TMPRSS13: variants seen among roughly 807,000 people sequenced by gnomAD.
TMPRSS13 encodes the protein transmembrane protease serine 13.
A neutral mutation model predicts 68.4 loss-of-function variants in TMPRSS13; 50 were observed. That is an observed-to-expected ratio of 0.73 (90% CI 0.58 to 0.93). TMPRSS13 has a LOEUF of 0.93. Among genes scored for constraint, TMPRSS13 ranks in the 40% least tolerant of loss-of-function variants. The probability of loss-of-function intolerance (pLI) is 0.00; values close to 1 mark genes in which losing one functional copy is unlikely to be tolerated. For synonymous variants in TMPRSS13, 267 were observed against 285.8 expected (o/e 0.93, Z 0.66); for missense variants, 615 against 729.2 (o/e 0.84, Z 1.80).
rs1213138440 is a variant in TMPRSS13 at position 117,914,147 on chromosome 11, CTG to C, written c.679+243_680-242del. Among the ~76,000 whole-genome samples the C allele has an allele frequency of 1.3e-5, 2 of 152,274 alleles. No individual in the cohort carries two copies. The highest frequency in any genetic ancestry group is 3.9e-4 in the East Asian group (2 of 5,180). ...CTAGAGTGCTACAGACTGATGCAAA[CTG>C]TGTATCAGCTCAAATGGGAGGCAAT... On this transcript the variant is annotated intron_variant, in intron 4 of 12. Transcript: ENST00000524993. This position sits in a 1 kb window ranked among gnomAD's most constrained non-coding sequence, Gnocchi z 4.2.
At chr11:117,928,345 G>A (rs1205687921) in intron 1 of TMPRSS13, among the ~76,000 whole-genome samples, 1 of 152,104 alleles carries the variant, frequency 6.6e-6, no homozygotes, top group Non-Finnish European at 1.5e-5. Flanking sequence ...AAGAATGGTG[G>A]GAAAAAAATG....
At chr11:117,912,407 C>T (rs928988836) in intron 5 of TMPRSS13, among the ~76,000 whole-genome samples, 1 of 152,256 alleles carries the variant, frequency 6.6e-6, no homozygotes, top group Non-Finnish European at 1.5e-5. Flanking sequence ...GGCAAGCCCA[C>T]TGGATCTTAG....
chr11:117,901,436 C>T lies in TMPRSS13; in HGVS notation c.*803G>A, dbSNP rs997275176. On this transcript the variant is annotated 3_prime_UTR_variant, in exon 13 of 13. Transcript: ENST00000524993. The stretch of plus-strand genomic sequence containing the variant: ...GTCTCTTCATCCAGTTCCTTGAGGC[C>T]AGAAATATTCTGTAGGACTCTAAAA... 6.6e-6 allele frequency: 1 copy of T among 152,564 alleles called. No individual in the cohort carries two copies. Among genetic ancestry groups the T allele is most frequent in the Non-Finnish European group, 1.5e-5 (1 of 68,032 alleles). 9.5% of individuals were successfully genotyped at this position (152,564 alleles called of 1,614,324 possible). A position where few individuals can be genotyped will look rare whatever the true frequency, so the allele number is the denominator to read the frequency against.
rs1317333493 is a variant in TMPRSS13 at position 117,914,224 on chromosome 11, CACAT to C, written c.679+164_679+167del. Among the ~76,000 whole-genome samples the C allele has an allele frequency of 6.6e-6, 1 of 152,126 alleles. No homozygotes were observed. The highest frequency in any genetic ancestry group is 1.5e-5 in the Non-Finnish European group (1 of 67,998). On this transcript the variant is annotated intron_variant, in intron 4 of 12. Coordinates refer to ENST00000524993, the MANE Select transcript of TMPRSS13 (RefSeq NM_001077263.3). The surrounding 1 kb of genome is among the most constrained non-coding windows in gnomAD (Gnocchi z 4.2). ...TTACATACATGCACACATGCACACA[CACAT>C]ACGTGCACACACACATACATGCATA...
chr11:117,911,833 G>A lies in TMPRSS13; in HGVS notation c.837C>T (p.His279=). The change falls in exon 6 of 13, where the codon CAC becomes CAT. Residue 279 remains histidine (H), a synonymous_variant. Transcript: ENST00000524993. ...TTGAGAAGCTGTTGGCAAAATCCCT[G>A]TGGGCAACCTCGGTTGTCCGGTGAG... ...ESAHRTTEVA[H]RDFANSFSIL... The A allele has an allele frequency of 2.5e-6, 4 of 1,614,090 alleles. No individual in the cohort carries two copies. Among genetic ancestry groups the A allele is most frequent in the Non-Finnish European group, 3.4e-6 (4 of 1,180,002 alleles).
rs1483585494 is a variant in TMPRSS13, at chr11:117,915,718, T to G, written c.557-1204A>C. ...TCTAGAGGCCTCCCTGGCAGAGCTT[T>G]TGGGAACTTCAGGAAATGCTGTGAA... On this transcript the variant is annotated intron_variant, in intron 3 of 12. Transcript: ENST00000524993. The surrounding 1 kb of genome is among the most constrained non-coding windows in gnomAD (Gnocchi z 4.9). 6.6e-6 allele frequency among the ~76,000 whole-genome samples: 1 copy of G among 152,176 alleles called. No individual in the cohort carries two copies. The highest frequency in any genetic ancestry group is 2.4e-5 in the African/African-American group (1 of 41,444).
chr11:117,905,620 A>G lies in TMPRSS13; in HGVS notation c.1381+18T>C, dbSNP rs766698908. 14 of 1,577,458 alleles carry G rather than the reference A, an allele frequency of 8.9e-6. No individual in the cohort carries two copies. The highest frequency in any genetic ancestry group is 1.2e-5 in the Non-Finnish European group (14 of 1,156,766). ...GCACATGAATACATACACACAACCAAGCATCTTTGCCTCTTACCATCTGTC... is the reference window on the plus strand; with the variant it reads ...GCACATGAATACATACACACAACCAGGCATCTTTGCCTCTTACCATCTGTC... On this transcript the variant is annotated intron_variant, in intron 10 of 12. Transcript: ENST00000524993.
At chr11:117,910,191 G>A (rs1422211262) in intron 7 of TMPRSS13, among the ~76,000 whole-genome samples, 1 of 152,122 alleles carries the variant, frequency 6.6e-6, no homozygotes, top group Non-Finnish European at 1.5e-5. Flanking sequence ...GGCTTTCTGG[G>A]ATCATTCCGC....
intron 9 of TMPRSS13, among the ~76,000 whole-genome samples, chr11:117,907,148 T>A (rs1664914818): frequency 6.6e-6 from 1 of 152,172 alleles, no homozygotes; most frequent in Admixed American, 6.5e-5. Flanking sequence ...AAGATTTGGA[T>A]GTTTAGCCAA....
At chr11:117,910,939 C>T (rs912446730) in intron 6 of TMPRSS13, among the ~76,000 whole-genome samples, 189 bp from the exon 7 acceptor site, 1 of 152,188 alleles carries the variant, frequency 6.6e-6, no homozygotes, top group Admixed American at 6.5e-5. Context: ...TGTCCAGAAT[C>T]GGAGTGGCTC....
At chr11:117,925,364 C>T (rs1355935490) in intron 1 of TMPRSS13, among the ~76,000 whole-genome samples, 2 of 152,208 alleles carry the variant, frequency 1.3e-5, no homozygotes, top group Non-Finnish European at 2.9e-5. Context: ...CCCTGTTAGA[C>T]CAGAATCAAG....
chr11:117,926,892 C>A (rs1438616618), intron 1 of TMPRSS13, among the ~76,000 whole-genome samples: 1 of 152,194 alleles, frequency 6.6e-6, no homozygotes, highest in Non-Finnish European at 1.5e-5. Context: ...CTCTATCTCT[C>A]TATGCCAGAT....
At chr11:117,913,620 T>C (rs1452667590) in intron 5 of TMPRSS13, among the ~76,000 whole-genome samples, 157 bp downstream of exon 5, 2 of 152,192 alleles carry the variant, frequency 1.3e-5, no homozygotes, top group Non-Finnish European at 2.9e-5. Flanking sequence ...TCAGGGCCTC[T>C]GACTCTGAAC....
intron 3 of TMPRSS13, among the ~76,000 whole-genome samples, chr11:117,916,203 C>T (rs2057576854): frequency 6.6e-6 from 1 of 152,198 alleles, no homozygotes. Context: ...ATGGCCCAGC[C>T]TTGCTGAACC....
At chr11:117,912,442 T>C (rs912151535) in intron 5 of TMPRSS13, among the ~76,000 whole-genome samples, 75 of 152,272 alleles carry the variant, frequency 4.9e-4, no homozygotes, top group African/African-American at 1.8e-3. Context: ...AAGAATCACC[T>C]TGGGATGTTT....
chr11:117,910,094 G>A, intron 7 of TMPRSS13, 126 bp from the exon 8 acceptor site: 1 of 1,155,856 alleles, frequency 8.7e-7, no homozygotes, highest in Non-Finnish European at 1.2e-6. Flanking sequence ...ATCCTGAAGG[G>A]CACCCACCCT....
intron 1 of TMPRSS13, among the ~76,000 whole-genome samples, chr11:117,925,532 G>T (rs1456609393): frequency 6.6e-6 from 1 of 152,160 alleles, no homozygotes. Context: ...GCCTTCTCTT[G>T]CTGCCAGTCC....
intron 1 of TMPRSS13, among the ~76,000 whole-genome samples, chr11:117,924,006 C>T (rs886673112): frequency 2.0e-5 from 3 of 151,788 alleles, no homozygotes; most frequent in Non-Finnish European, 4.4e-5. Flanking sequence ...AAGCTACCAC[C>T]CAGGGTTGGG....
intron 12 of TMPRSS13, chr11:117,903,213 A>G (rs900937012): frequency 2.9e-5 from 40 of 1,364,186 alleles, no homozygotes; most frequent in Non-Finnish European, 3.6e-5. Context: ...AAAAAAGACA[A>G]CAACAACAAC....
Sources: gnomAD v4.1 joint callset for allele counts (sites outside exome capture counted in the v4.1 genomes callset) on GRCh38, gnomAD v4.1.1 for gene constraint, Gnocchi (gnomAD v3.1) non-coding constraint, MANE v1.5 for transcripts, NCBI Gene and HGNC (gene_info 2026-07-23, HGNC 2026-07-21) for gene names.